The following COL15A1 variants were observed in gnomAD, a reference collection of about 807,000 sequenced individuals.
COL15A1 encodes collagen alpha-1(XV) chain.
A neutral mutation model predicts 165.9 loss-of-function variants in COL15A1; 111 were observed. The observed-to-expected ratio is 0.67, with a 90% confidence interval of 0.57 to 0.78. The LOEUF (loss-of-function observed/expected upper bound fraction) is 0.78, where lower values mean the gene tolerates loss of function less well. COL15A1 is among the 30% of genes least tolerant of loss of function. The pLI is 0.00. For synonymous variants in COL15A1, 659 were observed against 674.8 expected (o/e 0.98, Z 0.36); for missense variants, 1,745 against 1,789.7 (o/e 0.98, Z 0.45).
intron 5 of COL15A1, among the ~76,000 whole-genome samples, chr9:98,992,481 C>A (rs1161322240): frequency 1.3e-5 from 2 of 152,224 alleles, no homozygotes; most frequent in Non-Finnish European, 2.9e-5. Flanking sequence ...CCTGCCCACA[C>A]GTCTCTCTCC....
Position 98,956,656 on chromosome 9 carries a change from C to T in COL15A1, c.100+12406C>T, listed in dbSNP as rs575818648. Among the ~76,000 whole-genome samples, 62 of 152,326 alleles carry T rather than the reference C, an allele frequency of 4.1e-4. No individual in the cohort carries two copies. In the Middle Eastern group the frequency reaches 0.01, roughly 25 times the overall value. ...TGTCTCCCAGCCTCCATCCTCTCCA[C>T]CCTAGAATCCATCCTCCACACTGCA... On this transcript the variant is annotated intron_variant, in intron 2 of 41. Coordinates refer to ENST00000375001, the MANE Select transcript of COL15A1 (RefSeq NM_001855.5).
intron 14 of COL15A1, 144 bp from the exon 15 acceptor site, chr9:99,024,730 C>G: frequency 1.2e-6 from 1 of 838,702 alleles, no homozygotes; most frequent in South Asian, 1.8e-5. Context: ...TCTCACTGAG[C>G]CTTATTTTCC....
chr9:99,058,396 A>C (rs1005799855), intron 35 of COL15A1, among the ~76,000 whole-genome samples: 3 of 152,140 alleles, frequency 2.0e-5, no homozygotes, highest in African/African-American at 7.2e-5. Context: ...AGAGAAGGAG[A>C]TGAGGACACT....
intron 35 of COL15A1, among the ~76,000 whole-genome samples, chr9:99,058,981 G>A (rs1825769660): frequency 6.6e-6 from 1 of 152,096 alleles, no homozygotes; most frequent in Admixed American, 6.5e-5. Context: ...TCGGGGGTAG[G>A]GTGAGCAGAG....
chr9:98,987,351 G>C lies in COL15A1; in HGVS notation c.706G>C (p.Asp236His). Reference sequence around the variant, plus strand: ...CCCCAGGACTCCCGAGGAGCTGTGTGACCCTGAAGAGTCCTCGGTGAGCTC... The same window carrying C: ...CCCCAGGACTCCCGAGGAGCTGTGTCACCCTGAAGAGTCCTCGGTGAGCTC... ...PDPRTPEELCDPEESSASGET... is the reference protein window; with the variant it reads ...PDPRTPEELCHPEESSASGET... Residue 236 changes from aspartate (D) to histidine (H), a missense_variant, in exon 4 of 42, where the codon GAC becomes CAC. Transcript: ENST00000375001. 3 of 1,612,690 alleles carry C rather than the reference G, an allele frequency of 1.9e-6. No homozygotes were observed. Among genetic ancestry groups the C allele is most frequent in the Non-Finnish European group, 2.5e-6 (3 of 1,179,394 alleles).
intron 13 of COL15A1, 61 bp from the exon 14 acceptor site, chr9:99,023,296 C>T (rs979315026): frequency 3.0e-5 from 46 of 1,526,336 alleles, no homozygotes; most frequent in Non-Finnish European, 3.6e-5. Flanking sequence ...AACTCAGTGA[C>T]GTGGCTGTCC....
intron 9 of COL15A1, among the ~76,000 whole-genome samples, chr9:99,013,639 T>C (rs545821055): frequency 4.0e-5 from 6 of 151,514 alleles, no homozygotes; most frequent in Admixed American, 6.6e-5. Flanking sequence ...TTATACACAC[T>C]AAGGTCAAAT....
At chr9:99,053,607 C>T (rs1441232773) in intron 31 of COL15A1, among the ~76,000 whole-genome samples, 1 of 152,238 alleles carries the variant, frequency 6.6e-6, no homozygotes, top group Non-Finnish European at 1.5e-5. Context: ...CTGATCACTG[C>T]TGTCTGTGGG....
chr9:99,069,432 C>T (rs982406033), intron 41 of COL15A1, among the ~76,000 whole-genome samples: 28 of 151,728 alleles, frequency 1.8e-4, no homozygotes, highest in Admixed American at 1.8e-3. Flanking sequence ...CCAAGGGACC[C>T]CATGAGCAAA....
At chr9:98,969,741 G>C (rs1838016064) in intron 2 of COL15A1, among the ~76,000 whole-genome samples, 1 of 152,228 alleles carries the variant, frequency 6.6e-6, no homozygotes, top group African/African-American at 2.4e-5. Context: ...GTCAGGCTTG[G>C]GTTGAAGTGA....
rs892138359 is a variant in COL15A1, at chr9:98,964,927, G to A, written c.101-20638G>A. Among the ~76,000 whole-genome samples the A allele has an allele frequency of 4.6e-5, 7 of 152,180 alleles. No individual in the cohort carries two copies. In the East Asian group the frequency reaches 5.8e-4, roughly 13 times the overall value. ...CGGTGCCCACTGAAGCTATGAGCTC[G>A]TTCTGACTGCGCTGCTTGTCTGCCC... On this transcript the variant is annotated intron_variant, in intron 2 of 41. Transcript: ENST00000375001.
At chr9:98,992,137 G>A (rs1166271141) in intron 5 of COL15A1, among the ~76,000 whole-genome samples, 1 of 152,262 alleles carries the variant, frequency 6.6e-6, no homozygotes, top group Non-Finnish European at 1.5e-5. Context: ...ATGGTCGATG[G>A]GAACAGCCGC....
At chr9:99,055,415 A>T (rs747050735) in intron 34 of COL15A1, 43 bp downstream of exon 34, 14 of 1,262,046 alleles carry the variant, frequency 1.1e-5, no homozygotes, top group Admixed American at 6.8e-5. Flanking sequence ...AAAGACTTAC[A>T]GCTTTCCCGG....
chr9:99,015,861 C>A, intron 10 of COL15A1, 115 bp from the exon 11 acceptor site: 2 of 1,267,138 alleles, frequency 1.6e-6, no homozygotes, highest in Non-Finnish European at 2.2e-6. Context: ...TAACGATGAT[C>A]GTAGGTAAGA....
rs1172537325 is a variant in COL15A1, at chr9:99,005,043, C to A, written c.1346C>A (p.Ala449Asp). Residue 449 changes from alanine to aspartate, a missense_variant, in exon 9 of 42, where the codon GCC becomes GAC. Transcript: ENST00000375001. The part of the protein sequence containing the change: ...SMSAQSLGEE[A>D]TVGPSSEDSL... ...TCCGCCCAGAGCCTCGGGGAAGAGG[C>A]CACTGTGGTAAGGATCGTACAGTGC... The A allele has an allele frequency of 1.2e-6, 2 of 1,606,258 alleles. No individual in the cohort carries two copies. The highest frequency in any genetic ancestry group is 3.4e-4 in the Middle Eastern group (2 of 5,966).
intron 19 of COL15A1, among the ~76,000 whole-genome samples, 156 bp downstream of exon 19, chr9:99,035,574 T>C (rs1839287550): frequency 6.6e-6 from 1 of 152,192 alleles, no homozygotes; most frequent in Admixed American, 6.5e-5. Context: ...AGATGCTCTT[T>C]ACAGCTTGTG....
At chr9:99,056,922 A>C (rs1825729059) in intron 35 of COL15A1, among the ~76,000 whole-genome samples, 1 of 152,178 alleles carries the variant, frequency 6.6e-6, no homozygotes, top group Admixed American at 6.5e-5. Flanking sequence ...ATTGTATAGG[A>C]TATACATTTT....
At chr9:98,959,076 G>A (rs1837822889) in intron 2 of COL15A1, among the ~76,000 whole-genome samples, 1 of 151,788 alleles carries the variant, frequency 6.6e-6, no homozygotes, top group Non-Finnish European at 1.5e-5. Context: ...CCTGGAAAGA[G>A]TATTGTAGCT....
chr9:99,058,534 G>A (rs1046807500), intron 35 of COL15A1, among the ~76,000 whole-genome samples: 2 of 152,210 alleles, frequency 1.3e-5, no homozygotes, highest in African/African-American at 4.8e-5. Flanking sequence ...AAAAACTGTT[G>A]TCCACAGCAA....
Sources: gnomAD v4.1 joint callset for allele counts (sites outside exome capture counted in the v4.1 genomes callset) on GRCh38, gnomAD v4.1.1 for gene constraint, MANE v1.5 for transcripts, NCBI Gene and HGNC (gene_info 2026-07-23, HGNC 2026-07-21) for gene names.